The following OCA2 variants were observed in gnomAD, a reference collection of about 807,000 sequenced individuals.
The protein encoded by OCA2 is OCA2 melanosomal transmembrane protein.
In OCA2, 77 loss-of-function variants were observed where a neutral mutation model predicts 100.2. The ratio of observed to expected loss-of-function variants is 0.77; its 90% CI spans 0.64 to 0.93. The LOEUF (loss-of-function observed/expected upper bound fraction) is 0.93. Ranked by LOEUF, OCA2 falls within the 40% of genes least tolerant of loss-of-function variation. The probability of loss-of-function intolerance (pLI) is 0.00; values close to 1 mark genes in which losing one functional copy is unlikely to be tolerated. For missense variants in OCA2, 1,062 were observed against 1,089.1 expected, an observed-to-expected ratio of 0.98 and a Z score of 0.35; for synonymous variants, 432 against 439.2, an observed-to-expected ratio of 0.98 and a Z score of 0.21.
At chr15:27,978,842 T>C (rs1325007878) in intron 14 of OCA2, among the ~76,000 whole-genome samples, 2 of 152,122 alleles carry the variant, frequency 1.3e-5, no homozygotes, top group African/African-American at 4.8e-5. Context: ...CCTGCCACCA[T>C]GCCCGGCTAA....
At chr15:27,985,386 C>A (rs1236038443) in intron 12 of OCA2, among the ~76,000 whole-genome samples, 198 bp from the exon 13 acceptor site, 1 of 152,144 alleles carries the variant, frequency 6.6e-6, no homozygotes, top group Non-Finnish European at 1.5e-5. Context: ...TCTAAATCCT[C>A]CCTAGCCAGC....
intron 23 of OCA2, among the ~76,000 whole-genome samples, chr15:27,784,303 A>G (rs1466381821): frequency 6.6e-6 from 1 of 152,174 alleles, no homozygotes; most frequent in African/African-American, 2.4e-5. Context: ...GTTAGGGTGC[A>G]TTGAGGGTAA....
chr15:27,820,637 G>A lies in OCA2; in HGVS notation c.2432+24322C>T, dbSNP rs1469532518. 2.0e-5 allele frequency among the ~76,000 whole-genome samples: 3 copies of A among 152,166 alleles called. No homozygotes were observed. The East Asian group carries it at 5.8e-4, about 29-fold the overall frequency. On this transcript the variant is annotated intron_variant, in intron 23 of 23. Transcript: ENST00000354638. Reference sequence around the variant, plus strand: ...AAGTGGGGTCCCCGATGGGGTCCTGGAACAGAAAAGGATATCAAGGAAGAA... The same window carrying A: ...AAGTGGGGTCCCCGATGGGGTCCTGAAACAGAAAAGGATATCAAGGAAGAA...
intron 23 of OCA2, among the ~76,000 whole-genome samples, chr15:27,829,301 A>ATAGATAGATAAATAGT (rs2034860242): frequency 6.6e-6 from 1 of 151,060 alleles, no homozygotes; most frequent in Non-Finnish European, 1.5e-5. Flanking sequence ...AGATAGATAG[A>ATAGATAGATAAATAGT]TAGATAGATA....
intron 23 of OCA2, among the ~76,000 whole-genome samples, chr15:27,806,731 T>C (rs1486015220): frequency 6.6e-6 from 1 of 152,234 alleles, no homozygotes; most frequent in Non-Finnish European, 1.5e-5. Context: ...GGGAAGAGGA[T>C]ATTTTCTACA....
chr15:28,092,002 T>C (rs2044877699), intron 1 of OCA2, among the ~76,000 whole-genome samples: 1 of 151,988 alleles, frequency 6.6e-6, no homozygotes. Context: ...ACTAAATAAA[T>C]AAAATGTGGT....
At chr15:27,896,680 T>G (rs925650811) in intron 19 of OCA2, 5 of 172,406 alleles carry the variant, frequency 2.9e-5, no homozygotes, top group African/African-American at 7.3e-5. Flanking sequence ...CAGCAAAGCA[T>G]TCAAGAGGTG....
chr15:27,766,404 G>A (rs535366640), intron 23 of OCA2, among the ~76,000 whole-genome samples: 29 of 152,208 alleles, frequency 1.9e-4, no homozygotes, highest in African/African-American at 7.0e-4. Flanking sequence ...AGGAATCTGG[G>A]AGCAGCCAAC....
chr15:28,073,958 T>C (rs781318853), intron 2 of OCA2, among the ~76,000 whole-genome samples: 7 of 151,634 alleles, frequency 4.6e-5, no homozygotes, highest in Non-Finnish European at 7.4e-5. Context: ...ATCTTGATTA[T>C]AGTAGAGGTT....
At chr15:27,937,751 T>TG (rs1172543946) in intron 18 of OCA2, among the ~76,000 whole-genome samples, 1 of 152,180 alleles carries the variant, frequency 6.6e-6, no homozygotes, top group Non-Finnish European at 1.5e-5. Context: ...ATTTTTCTAT[T>TG]GGGGGGTTCT....
At chr15:27,873,026 T>C (rs892416780) in intron 19 of OCA2, among the ~76,000 whole-genome samples, 3 of 152,216 alleles carry the variant, frequency 2.0e-5, no homozygotes, top group African/African-American at 7.2e-5. Context: ...AGAATCTCAA[T>C]CTGCATGTAC....
intron 23 of OCA2, among the ~76,000 whole-genome samples, chr15:27,806,359 T>G (rs1416567237): frequency 6.6e-6 from 1 of 152,150 alleles, no homozygotes; most frequent in African/African-American, 2.4e-5. Context: ...CACAGATGTG[T>G]AAAGTGCACA....
intron 19 of OCA2, among the ~76,000 whole-genome samples, chr15:27,913,403 A>C (rs2038474427): frequency 6.6e-6 from 1 of 152,158 alleles, no homozygotes; most frequent in Non-Finnish European, 1.5e-5. Context: ...GGGAAAGATT[A>C]GATATATCAA....
rs1227989474 is a variant in OCA2, at chr15:27,871,171, G to A, written c.2227C>T (p.Pro743Ser). Residue 743 changes from proline to serine, a missense_variant, in exon 21 of 24, where the codon CCG becomes TCG. By Grantham distance (74) the Pro-to-Ser change is moderately conservative. Transcript: ENST00000354638. ...CAACTCACCATGGTAGCAGTGAACGGGATGTTGTCAATCAGGGACGACGCC... is the reference window on the plus strand; with the variant it reads ...CAACTCACCATGGTAGCAGTGAACGAGATGTTGTCAATCAGGGACGACGCC... ...ALASSLIDNI[P>S]FTATMIPVLL... The A allele has an allele frequency of 6.2e-7, 1 of 1,613,824 alleles. No homozygotes were observed. Among genetic ancestry groups the A allele is most frequent in the South Asian group, 1.1e-5 (1 of 91,070 alleles).
chr15:27,868,287 A>G (rs930311901), intron 21 of OCA2, among the ~76,000 whole-genome samples: 6 of 152,232 alleles, frequency 3.9e-5, no homozygotes, highest in African/African-American at 1.4e-4. Context: ...ATTACTCAGA[A>G]TAGCCAAGAC....
intron 19 of OCA2, among the ~76,000 whole-genome samples, chr15:27,924,844 T>C (rs1389786408): frequency 1.3e-5 from 2 of 152,164 alleles, no homozygotes; most frequent in African/African-American, 4.8e-5. Context: ...GGGGGTGGAT[T>C]GAATATTTCA....
chr15:27,801,546 G>T (rs1216494099), intron 23 of OCA2, among the ~76,000 whole-genome samples: 3 of 71,744 alleles, frequency 4.2e-5, no homozygotes, highest in East Asian at 7.2e-4. Flanking sequence ...GTGAGACTCG[G>T]TCTCAAAAAA....
intron 19 of OCA2, among the ~76,000 whole-genome samples, chr15:27,875,561 T>G (rs558424766): frequency 6.6e-6 from 1 of 152,202 alleles, no homozygotes; most frequent in East Asian, 1.9e-4. Flanking sequence ...AGTTCAATTT[T>G]TATTACAATT....
At chr15:27,803,583 G>T (rs2033702444) in intron 23 of OCA2, among the ~76,000 whole-genome samples, 1 of 152,096 alleles carries the variant, frequency 6.6e-6, no homozygotes, top group Non-Finnish European at 1.5e-5. Context: ...CTAGCACAAG[G>T]GCTAAGTAGG....
Sources: allele counts gnomAD v4.1 joint callset (sites outside exome capture counted in the v4.1 genomes callset), GRCh38; gene constraint gnomAD v4.1.1; transcripts MANE v1.5; gene names NCBI Gene and HGNC (gene_info 2026-07-23, HGNC 2026-07-21).